Variants in PRIM2 observed in about 807,000 individuals in gnomAD.
PRIM2 encodes DNA primase large subunit.
PRIM2 carries 39 observed loss-of-function variants against 67.3 expected under a neutral mutation model. The ratio of observed to expected loss-of-function variants is 0.58; its 90% CI spans 0.45 to 0.76. PRIM2 has a LOEUF of 0.76. Ranked by LOEUF, PRIM2 falls within the 30% of genes least tolerant of loss-of-function variation. PRIM2 has a pLI of 0.00. For synonymous variants in PRIM2, 143 were observed against 198.7 expected, an observed-to-expected ratio of 0.72 and a Z score of 2.36; for missense variants, 398 against 598.7, an observed-to-expected ratio of 0.66 and a Z score of 3.50.
At chr6:57,604,651 T>C (rs1287579284) in intron 11 of PRIM2, among the ~76,000 whole-genome samples, 1 of 151,902 alleles carries the variant, frequency 6.6e-6, no homozygotes, top group Non-Finnish European at 1.5e-5. Flanking sequence ...TGGTATCTAG[T>C]TTTTTGAGGG....
At chr6:57,307,276 C>T in the PRIM2 span, among the ~76,000 whole-genome samples, 2 of 148,486 alleles carry the variant, frequency 1.3e-5, no homozygotes, top group African/African-American at 5.0e-5. Flanking sequence ...TTTTTGGAGA[C>T]GGAGTCTTGC....
At chr6:57,334,565 G>A (rs1325224090) in intron 5 of PRIM2, among the ~76,000 whole-genome samples, 1 of 152,182 alleles carries the variant, frequency 6.6e-6, no homozygotes, top group African/African-American at 2.4e-5. Context: ...TTGGGAGGCT[G>A]AGGTGGGATG....
At chr6:57,248,187 C>T in the PRIM2 span, among the ~76,000 whole-genome samples, 1 of 152,170 alleles carries the variant, frequency 6.6e-6, no homozygotes, top group Non-Finnish European at 1.5e-5. Context: ...AGTACCCAGG[C>T]ACCCAGCAAG....
At chr6:57,418,009 C>T (rs1213315269) in intron 7 of PRIM2, among the ~76,000 whole-genome samples, 2 of 152,080 alleles carry the variant, frequency 1.3e-5, no homozygotes, top group African/African-American at 4.8e-5. Context: ...AGGAATATAT[C>T]CTAATTGCAA....
At chr6:57,593,316 T>A (rs1776313823) in intron 10 of PRIM2, among the ~76,000 whole-genome samples, 1 of 152,030 alleles carries the variant, frequency 6.6e-6, no homozygotes, top group African/African-American at 2.4e-5. Flanking sequence ...CTTTTTTTTT[T>A]TTGAGATGGG....
At chr6:57,326,700 G>A (rs1304820417) in intron 5 of PRIM2, among the ~76,000 whole-genome samples, 2 of 150,698 alleles carry the variant, frequency 1.3e-5, no homozygotes, top group African/African-American at 4.9e-5. Flanking sequence ...TAGTCTGGGC[G>A]AAAGAGCAAG....
At chr6:57,573,900 A>G (rs1204828676) in intron 10 of PRIM2, among the ~76,000 whole-genome samples, 12 of 152,134 alleles carry the variant, frequency 7.9e-5, no homozygotes, top group Admixed American at 4.6e-4. Context: ...TTTTGAGTTT[A>G]CCTATCTACT....
At chr6:57,525,555 C>G (rs1554349282) in intron 8 of PRIM2, among the ~76,000 whole-genome samples, 11 of 152,282 alleles carry the variant, frequency 7.2e-5, no homozygotes, top group Admixed American at 2.0e-4. Flanking sequence ...CCCCTTCCGC[C>G]CATGGCTCAG....
the PRIM2 span, among the ~76,000 whole-genome samples, chr6:57,253,299 G>C: frequency 6.6e-6 from 1 of 152,204 alleles, no homozygotes; most frequent in Non-Finnish European, 1.5e-5. Flanking sequence ...AATGATCTCA[G>C]AGGCAGTTTT....
chr6:57,417,247 G>A (rs557809420), intron 7 of PRIM2, among the ~76,000 whole-genome samples: 8 of 152,132 alleles, frequency 5.3e-5, no homozygotes, highest in Non-Finnish European at 1.2e-4. Context: ...GATTACAGGC[G>A]TGAGCCAGCA....
At chr6:57,405,361 TGTAAA>T (rs1180035723) in intron 7 of PRIM2, among the ~76,000 whole-genome samples, 1 of 150,250 alleles carries the variant, frequency 6.7e-6, no homozygotes, top group African/African-American at 2.4e-5. Flanking sequence ...GACTGGACAT[TGTAAA>T]GTAATGATTA....
At chr6:57,446,776 G>A (rs1333455686) in intron 7 of PRIM2, among the ~76,000 whole-genome samples, 3 of 152,150 alleles carry the variant, frequency 2.0e-5, no homozygotes, top group Non-Finnish European at 2.9e-5. Flanking sequence ...TGAGTTGCGA[G>A]TCAGCTGGCC....
chr6:57,237,169 T>G, the PRIM2 span, among the ~76,000 whole-genome samples: 2 of 151,922 alleles, frequency 1.3e-5, no homozygotes, highest in Admixed American at 1.3e-4. Context: ...TGGCCAGTGA[T>G]GATGAGCATT....
chr6:57,552,731 C>T (rs2127475427), intron 10 of PRIM2, among the ~76,000 whole-genome samples: 1 of 152,160 alleles, frequency 6.6e-6, no homozygotes, highest in East Asian at 1.9e-4. Flanking sequence ...TTTTAGCTCT[C>T]CAGTTGCATT....
intron 12 of PRIM2, among the ~76,000 whole-genome samples, chr6:57,623,933 A>T (rs1437806882): frequency 6.6e-6 from 1 of 152,216 alleles, no homozygotes; most frequent in South Asian, 2.1e-4. Context: ...TAGCATATCC[A>T]GGAGATATGA....
chr6:57,288,121 C>T, the PRIM2 span, among the ~76,000 whole-genome samples: 6 of 152,212 alleles, frequency 3.9e-5, no homozygotes, highest in Non-Finnish European at 5.9e-5. Context: ...AGGAAATTCC[C>T]TTCCATGCCT....
chr6:57,376,016 G>T (rs6909758), intron 5 of PRIM2, among the ~76,000 whole-genome samples: 61,798 of 151,680 alleles, frequency 0.41, 13,456 homozygotes, highest in South Asian at 0.56. Flanking sequence ...AGACCAGCCT[G>T]AGCAACATAG....
At chr6:57,347,904 TTGAAA>T (rs1395386505) in intron 5 of PRIM2, among the ~76,000 whole-genome samples, 1 of 152,208 alleles carries the variant, frequency 6.6e-6, no homozygotes, top group East Asian at 1.9e-4. Context: ...AGCTTAACTA[TTGAAA>T]TGAAGTGGAA....
chr6:57,232,319 G>A, the PRIM2 span, among the ~76,000 whole-genome samples: 2 of 152,212 alleles, frequency 1.3e-5, no homozygotes, highest in Non-Finnish European at 1.5e-5. Context: ...TTGGGAGGCC[G>A]AAGCAGGCGG....
Sources: gnomAD v4.1 joint callset for allele counts (sites outside exome capture counted in the v4.1 genomes callset) on GRCh38, gnomAD v4.1.1 for gene constraint, MANE v1.5 for transcripts, NCBI Gene and HGNC (gene_info 2026-07-23, HGNC 2026-07-21) for gene names.